Variants in PCDHGB4 observed in about 807,000 individuals in gnomAD.
PCDHGB4 encodes protocadherin gamma subfamily B, 4, also known as protocadherin gamma-B4.
Under a neutral mutation model 60.5 loss-of-function variants are expected in PCDHGB4, and 38 were observed. The ratio of observed to expected loss-of-function variants is 0.63; its 90% CI spans 0.48 to 0.82. PCDHGB4 has a LOEUF of 0.82. Among genes scored for constraint, PCDHGB4 ranks in the 40% least tolerant of loss-of-function variants. The pLI, the probability that PCDHGB4 is intolerant of heterozygous loss-of-function variation, is 0.00. For missense variants in PCDHGB4, 1,109 were observed against 1,209.6 expected, an observed-to-expected ratio of 0.92 and a Z score of 1.23; for synonymous variants, 456 against 509.7, an observed-to-expected ratio of 0.89 and a Z score of 1.42.
At chr5:141,452,193 GT>G (rs1375451557) in intron 1 of PCDHGB4, among the ~76,000 whole-genome samples, 1 of 151,990 alleles carries the variant, frequency 6.6e-6, no homozygotes, top group Non-Finnish European at 1.5e-5. Context: ...ACCTCAAATT[GT>G]TTTAGATGTT....
chr5:141,486,345 A>C lies in PCDHGB4; in HGVS notation c.2398-8462A>C. On this transcript the variant is annotated intron_variant, in intron 1 of 3. Coordinates refer to ENST00000519479, the MANE Select transcript of PCDHGB4 (RefSeq NM_003736.4). This position sits in a 1 kb window ranked among gnomAD's most constrained non-coding sequence, Gnocchi z 5.0. Reference sequence around the variant, plus strand: ...GGAGATGTGAGCCTCCGCATTCCTGACCACTTGCCATTTGCCCTCAAGTCT... The same window carrying C: ...GGAGATGTGAGCCTCCGCATTCCTGCCCACTTGCCATTTGCCCTCAAGTCT... The C allele has an allele frequency of 6.2e-7, 1 of 1,613,940 alleles. No homozygotes were observed. The highest frequency in any genetic ancestry group is 8.5e-7 in the Non-Finnish European group (1 of 1,179,986).
At chr5:141,418,057 G>A (rs2096216088) in intron 1 of PCDHGB4, 2 of 1,614,050 alleles carry the variant, frequency 1.2e-6, no homozygotes, top group East Asian at 4.5e-5. Context: ...CTCGCGAGCT[G>A]CGAGTGAGCG....
chr5:141,390,371 T>C (rs761971479), intron 1 of PCDHGB4, 90 bp downstream of exon 1: 15 of 1,499,488 alleles, frequency 1.0e-5, no homozygotes, highest in Non-Finnish European at 3.6e-6. Context: ...GGAAAATATA[T>C]AATTTTTAGA....
intron 1 of PCDHGB4, among the ~76,000 whole-genome samples, chr5:141,480,730 G>T (rs1261461187): frequency 6.6e-6 from 1 of 152,168 alleles, no homozygotes; most frequent in Non-Finnish European, 1.5e-5. Flanking sequence ...GTCTCTGGGG[G>T]TGGGACATAG....
At position 141,476,761 on chromosome 5, in the gene PCDHGB4, G is replaced by C. The variant is rs1293828206; in HGVS notation, c.2398-18046G>C. ...AGCCTAGTCTCCAGTTAGTGCTGAC[G>C]GCGTTGGACGGAGGGACCCCAGCTC... On this transcript the variant is annotated intron_variant, in intron 1 of 3. Transcript: ENST00000519479. This position sits in a 1 kb window ranked among gnomAD's most constrained non-coding sequence, Gnocchi z 7.6. 6.2e-7 allele frequency: 1 copy of C among 1,613,734 alleles called. No individual in the cohort carries two copies. Among genetic ancestry groups the C allele is most frequent in the East Asian group, 2.2e-5 (1 of 44,884 alleles).
rs951502238 is a variant in PCDHGB4 at position 141,478,263 on chromosome 5, A to G, written c.2398-16544A>G. ...ACAGTGTTCGGAGTAATCATATTCA[A>G]AGTTTACAAGTGGAAGCAGTCTAGA... On this transcript the variant is annotated intron_variant, in intron 1 of 3. Coordinates refer to ENST00000519479, the MANE Select transcript of PCDHGB4 (RefSeq NM_003736.4). The G allele has an allele frequency of 2.5e-6, 4 of 1,614,046 alleles. No individual in the cohort carries two copies. The African/African-American group carries it at 5.3e-5, about 22-fold the overall frequency.
At chr5:141,430,877 G>A (rs1392342627) in intron 1 of PCDHGB4, 5 of 1,600,678 alleles carry the variant, frequency 3.1e-6, no homozygotes, top group African/African-American at 2.7e-5. Context: ...GGAAGAGCTG[G>A]AGAAAGGCTC....
Position 141,486,616 on chromosome 5 carries a change from C to A in PCDHGB4, c.2398-8191C>A. On this transcript the variant is annotated intron_variant, in intron 1 of 3. Transcript: ENST00000519479. The surrounding 1 kb of genome is among the most constrained non-coding windows in gnomAD (Gnocchi z 5.0). ...TGCTTTGCTCCCTTGCAGCCTCTGACCCAGACTCTGGCTTGAATGCGCTTA... is the reference window on the plus strand; with the variant it reads ...TGCTTTGCTCCCTTGCAGCCTCTGAACCAGACTCTGGCTTGAATGCGCTTA... The A allele has an allele frequency of 6.2e-7, 1 of 1,613,618 alleles. No individual in the cohort carries two copies. Among genetic ancestry groups the A allele is most frequent in the Non-Finnish European group, 8.5e-7 (1 of 1,180,022 alleles).
At position 141,492,138 on chromosome 5, in the gene PCDHGB4, T is replaced by C. The variant is rs577884713; in HGVS notation, c.2398-2669T>C. ...ATTTCTCCCCAGCTCCCAGCATCTG[T>C]GACTTCACTGTTACCCTCCCTATCC... On this transcript the variant is annotated intron_variant, in intron 1 of 3. Coordinates refer to ENST00000519479, the MANE Select transcript of PCDHGB4 (RefSeq NM_003736.4). 2.4e-3 allele frequency among the ~76,000 whole-genome samples: 366 copies of C among 152,312 alleles called. 1 individual carries two copies. Among genetic ancestry groups the C allele is most frequent in the Non-Finnish European group, 3.5e-3 (238 of 68,014 alleles).
At chr5:141,509,216 T>C (rs2099875781) in intron 3 of PCDHGB4, among the ~76,000 whole-genome samples, 1 of 152,124 alleles carries the variant, frequency 6.6e-6, no homozygotes, top group South Asian at 2.1e-4. Flanking sequence ...TATTTCTCAA[T>C]CCCTGGTTGA....
chr5:141,476,038 G>A lies in PCDHGB4; in HGVS notation c.2398-18769G>A, dbSNP rs1426234941. 1.3e-6 allele frequency: 2 copies of A among 1,484,842 alleles called. No homozygotes were observed. Among genetic ancestry groups the A allele is most frequent in the Non-Finnish European group, 1.8e-6 (2 of 1,118,086 alleles). 92.0% of individuals were successfully genotyped at this position (1,484,842 alleles called of 1,614,324 possible). The stretch of plus-strand genomic sequence containing the variant: ...GTCGGACTCGGCGCCCAGCGCCCAA[G>A]CGCTAACCCGCTGAAAGTTTCTCAG... On this transcript the variant is annotated intron_variant, in intron 1 of 3. Coordinates refer to ENST00000519479, the MANE Select transcript of PCDHGB4 (RefSeq NM_003736.4). The surrounding 1 kb of genome is among the most constrained non-coding windows in gnomAD (Gnocchi z 7.6).
intron 1 of PCDHGB4, among the ~76,000 whole-genome samples, chr5:141,469,187 G>T (rs147209381): frequency 5.9e-5 from 9 of 151,588 alleles, no homozygotes; most frequent in African/African-American, 1.9e-4. Context: ...GAGGCAAGAG[G>T]ATTGCTTGAG....
intron 1 of PCDHGB4, among the ~76,000 whole-genome samples, chr5:141,480,839 G>A (rs1397361640): frequency 6.6e-6 from 1 of 152,196 alleles, no homozygotes; most frequent in Non-Finnish European, 1.5e-5. Context: ...AAGATCAGGA[G>A]TTTGAGACCA....
chr5:141,403,796 T>C (rs1028690414), intron 1 of PCDHGB4: 3 of 1,613,866 alleles, frequency 1.9e-6, no homozygotes, highest in Non-Finnish European at 1.7e-6. Flanking sequence ...ATACAAATTC[T>C]GGAAAATTAA....
chr5:141,510,852 G>A (rs2099883073), intron 3 of PCDHGB4, 95 bp from the exon 4 acceptor site: 2 of 1,601,096 alleles, frequency 1.2e-6, no homozygotes, highest in Non-Finnish European at 1.7e-6. Flanking sequence ...GGCCCAGGGT[G>A]CTGTATAGGC....
chr5:141,468,749 C>G (rs1237051053), intron 1 of PCDHGB4, among the ~76,000 whole-genome samples: 1 of 151,962 alleles, frequency 6.6e-6, no homozygotes, highest in Non-Finnish European at 1.5e-5. Context: ...GCCTGTAGTC[C>G]CAGCTACTCG....
chr5:141,505,891 G>A (rs541853565), intron 3 of PCDHGB4, among the ~76,000 whole-genome samples: 9 of 152,288 alleles, frequency 5.9e-5, no homozygotes, highest in Admixed American at 5.9e-4. Context: ...GATTAAATGA[G>A]ATGATACCAC....
chr5:141,426,629 T>G (rs1384012221), intron 1 of PCDHGB4: 4 of 397,284 alleles, frequency 1.0e-5, no homozygotes, highest in South Asian at 7.2e-5. Context: ...CTCTAAATGT[T>G]TTTCACATAA....
chr5:141,418,085 A>C lies in PCDHGB4; in HGVS notation c.2397+27804A>C, dbSNP rs1235378254. On this transcript the variant is annotated intron_variant, in intron 1 of 3. Transcript: ENST00000519479. The stretch of plus-strand genomic sequence containing the variant: ...AGTGAGCGCGGAGAAGCTGCACTTC[A>C]GCGTAGACGCGCAGAGCGGGGACTT... The C allele has an allele frequency of 2.5e-6, 4 of 1,613,936 alleles. No homozygotes were observed. The highest frequency in any genetic ancestry group is 3.4e-6 in the Non-Finnish European group (4 of 1,179,908).
Sources: gnomAD v4.1 joint callset for allele counts (sites outside exome capture counted in the v4.1 genomes callset) on GRCh38, gnomAD v4.1.1 for gene constraint, Gnocchi (gnomAD v3.1) non-coding constraint, MANE v1.5 for transcripts, NCBI Gene and HGNC (gene_info 2026-07-23, HGNC 2026-07-21) for gene names.